Variants in FBXO44 observed in about 807,000 individuals in gnomAD.
FBXO44 encodes F-box protein 44.
In FBXO44, 25 loss-of-function variants were observed where a neutral mutation model predicts 33.5. The ratio of observed to expected loss-of-function variants is 0.75; its 90% CI spans 0.54 to 1.04. The LOEUF is 1.04. FBXO44 is among the 50% of genes least tolerant of loss of function. The pLI, the probability that FBXO44 is intolerant of heterozygous loss-of-function variation, is 0.00. For synonymous variants in FBXO44, 147 were observed against 152.8 expected, an observed-to-expected ratio of 0.96 and a Z score of 0.28; for missense variants, 311 against 344.0, an observed-to-expected ratio of 0.90 and a Z score of 0.76.
chr1:11,654,572 G>T (rs930968477), upstream of FBXO44: 6 of 381,012 alleles, frequency 1.6e-5, no homozygotes, highest in African/African-American at 1.0e-4. Context: ...GACCGAGGAG[G>T]CTGGGAAAGG....
At chr1:11,654,463 C>CCCCGA (rs1395194595), upstream of FBXO44, 1 of 1,042,200 alleles carries the variant, frequency 9.6e-7, no homozygotes, top group Non-Finnish European at 1.2e-6. Context: ...TCTTAAAGGC[C>CCCCGA]CCCGACCCGA....
In FBXO44 at chr1:11,656,142, C is replaced by G. The variant is rs115646867; in HGVS notation, c.265+42C>G. The G allele has an allele frequency of 1.9e-5, 30 of 1,600,906 alleles. No individual in the cohort carries two copies. The African/African-American group carries it at 4.0e-4, about 21-fold the overall frequency. On this transcript the variant is annotated intron_variant, in intron 2 of 5. Coordinates refer to ENST00000251547, the MANE Select transcript of FBXO44 (RefSeq NM_033182.7). The stretch of plus-strand genomic sequence containing the variant: ...GTCTGGCATGCCTCCAGTACACAGT[C>G]ATGACACCAGGAACATGTATTGAGC...
upstream of FBXO44, chr1:11,654,630 T>G (rs529000063): frequency 5.2e-4 from 168 of 321,812 alleles, 1 homozygote; most frequent in African/African-American, 3.4e-3. Flanking sequence ...ATTTGGGGCA[T>G]CTCGCAGCTC....
Position 11,661,375 on chromosome 1 carries a change from C to A in FBXO44, c.*102C>A. On this transcript the variant is annotated 3_prime_UTR_variant, in exon 6 of 6. Transcript: ENST00000251547. The surrounding 1 kb of genome is among the most constrained non-coding windows in gnomAD (Gnocchi z 4.4). ...GAGGTGGAGGCCAGGTGTCCCCAGA[C>A]CTCTAACCCTTGCCCCTAGCAGCCT... 1.3e-6 allele frequency: 2 copies of A among 1,526,718 alleles called. No homozygotes were observed. Among genetic ancestry groups the A allele is most frequent in the Non-Finnish European group, 1.8e-6 (2 of 1,121,432 alleles). The allele number at this position is 1,526,718 out of a possible 1,614,324, so 94.6% of individuals were successfully genotyped here. A position where few individuals can be genotyped will look rare whatever the true frequency, so the allele number is the denominator to read the frequency against.
rs374387099 is a variant in FBXO44, at chr1:11,658,796, C to A, written c.549C>A (p.Ser183=). 32 of 1,613,748 alleles carry A rather than the reference C, an allele frequency of 2.0e-5. No individual in the cohort carries two copies. Among genetic ancestry groups the A allele is most frequent in the Admixed American group, 1.7e-4 (10 of 60,008 alleles). The part of the protein sequence containing the change: ...KYQLCVQLLS[S]AHAPLGTFQP... Reference sequence around the variant, plus strand: ...AGCTGTGCGTTCAGCTCCTGTCGTCCGCGCACGCGCCTCTGGGGACCTTCC... The same window carrying A: ...AGCTGTGCGTTCAGCTCCTGTCGTCAGCGCACGCGCCTCTGGGGACCTTCC... The change falls in exon 5 of 6, where the codon TCC becomes TCA. Residue 183 remains serine (S), a synonymous_variant. Coordinates refer to ENST00000251547, the MANE Select transcript of FBXO44 (RefSeq NM_033182.7).
At chr1:11,654,612 G>A (rs1377204089), upstream of FBXO44, 3 of 347,864 alleles carry the variant, frequency 8.6e-6, no homozygotes, top group African/African-American at 2.1e-5. Flanking sequence ...CAACTGGGGA[G>A]GGGTCCGATT....
Position 11,656,311 on chromosome 1 carries a change from CTTTTTTTTTTT to C in FBXO44, c.265+223_265+233del, listed in dbSNP as rs34347559. On this transcript the variant is annotated intron_variant, in intron 2 of 5. Transcript: ENST00000251547. ...TGGTGTTTCTTATTCTTACTATACT[CTTTTTTTTTTT>C]TTTTTTTTTTTGAGACGGAGTTTCA... Among the ~76,000 whole-genome samples the C allele has an allele frequency of 6.2e-4, 58 of 93,870 alleles. 1 individual carries two copies. In the East Asian group the frequency reaches 0.012, roughly 20 times the overall value. The allele number at this position is 93,870 out of a possible 152,430, so 61.6% of individuals were successfully genotyped here.
chr1:11,655,102 T>G (rs1639683453), intron 1 of FBXO44, 150 bp downstream of exon 1: 1 of 151,016 alleles, frequency 6.6e-6, no homozygotes, highest in Admixed American at 6.6e-5. Flanking sequence ...TTGCCCGGGC[T>G]GCGCTGCGCG....
intron 1 of FBXO44, 125 bp from the exon 2 acceptor site, chr1:11,655,681 G>C (rs773491806): frequency 1.0e-6 from 1 of 985,854 alleles, no homozygotes; most frequent in Non-Finnish European, 1.5e-6. Context: ...TCCTTGGACC[G>C]CCCCAGTGAC....
At chr1:11,659,102 G>C (rs1219746219) in intron 5 of FBXO44, among the ~76,000 whole-genome samples, 1 of 152,222 alleles carries the variant, frequency 6.6e-6, no homozygotes, top group Non-Finnish European at 1.5e-5. Flanking sequence ...TATTCCAAAA[G>C]GTTGGCAGGG....
In FBXO44 at chr1:11,661,559, G is replaced by T; in HGVS notation, c.*286G>T. On this transcript the variant is annotated 3_prime_UTR_variant, in exon 6 of 6. Transcript: ENST00000251547. The surrounding 1 kb of genome is among the most constrained non-coding windows in gnomAD (Gnocchi z 4.4). ...TGTGGGAGGTGCAGCATGTTCCCCT[G>T]GGCCCCTCAGAAAGTCGAGCTTGGA... 1 of 428,482 alleles carries T rather than the reference G, an allele frequency of 2.3e-6. No homozygotes were observed. Among genetic ancestry groups the T allele is most frequent in the Non-Finnish European group, 4.2e-6 (1 of 240,854 alleles). The allele number at this position is 428,482 out of a possible 1,614,324, so 26.5% of individuals were successfully genotyped here. A position where few individuals can be genotyped will look rare whatever the true frequency, so the allele number is the denominator to read the frequency against.
chr1:11,661,227 C>A lies in FBXO44; in HGVS notation c.722C>A (p.Pro241Gln), dbSNP rs567768918. ...DTHYWAGWYGPRVTNSSITIG... is the reference protein window; with the variant it reads ...DTHYWAGWYGQRVTNSSITIG... ...CATTACTGGGCCGGCTGGTACGGCCCGAGGGTCACCAACAGCAGCATCACC... is the reference window on the plus strand; with the variant it reads ...CATTACTGGGCCGGCTGGTACGGCCAGAGGGTCACCAACAGCAGCATCACC... Residue 241 changes from proline (P) to glutamine (Q), a missense_variant, in exon 6 of 6, where the codon CCG (proline) becomes CAG (glutamine). Pro to Gln is a moderately conservative substitution (Grantham distance 76). Transcript: ENST00000251547. This position sits in a 1 kb window ranked among gnomAD's most constrained non-coding sequence, Gnocchi z 4.4. 5.6e-6 allele frequency: 9 copies of A among 1,614,132 alleles called. No individual in the cohort carries two copies. In the East Asian group the frequency reaches 2.0e-4, roughly 36 times the overall value.
chr1:11,659,851 C>T (rs1198575635), intron 5 of FBXO44, among the ~76,000 whole-genome samples: 2 of 152,226 alleles, frequency 1.3e-5, no homozygotes, highest in Admixed American at 6.5e-5. Context: ...TTGCAGGTCA[C>T]ATTGTCTCTG....
chr1:11,659,827 G>C (rs867926773), intron 5 of FBXO44, among the ~76,000 whole-genome samples: 2 of 152,130 alleles, frequency 1.3e-5, no homozygotes, highest in Non-Finnish European at 2.9e-5. Flanking sequence ...TGGCGGATAC[G>C]AATATTTTAG....
chr1:11,658,257 T>A lies in FBXO44; in HGVS notation c.266-10T>A. On this transcript the variant is annotated splice_polypyrimidine_tract_variant and intron_variant, in intron 2 of 5. Transcript: ENST00000251547. ...GCTTCCCTTCAGTGTGAACTCTGCT[T>A]TTCCATCAGAGGGGTTCGAGTTCTG... The A allele has an allele frequency of 6.2e-7, 1 of 1,613,528 alleles. No individual in the cohort carries two copies. The highest frequency in any genetic ancestry group is 1.3e-5 in the African/African-American group (1 of 74,994).
intron 2 of FBXO44, among the ~76,000 whole-genome samples, chr1:11,657,307 T>C (rs756259214): frequency 2.6e-5 from 4 of 152,236 alleles, no homozygotes; most frequent in Non-Finnish European, 4.4e-5. Flanking sequence ...CCAGCCCCTA[T>C]TCTTAACTCC....
rs775246428 is a variant in FBXO44, at chr1:11,655,906, G to A, written c.71G>A (p.Arg24His). Residue 24 changes from arginine to histidine, a missense_variant, in exon 2 of 6, where the codon CGC (arginine) becomes CAC (histidine). Physicochemically the swap from Arg to His is conservative, Grantham distance 29 (BLOSUM62 0). Transcript: ENST00000251547. ...LLELFTHVPA[R>H]QLLLNCRLVC... ...GAGCTGTTCACGCACGTGCCCGCCC[G>A]CCAGCTGCTGCTGAACTGCCGCCTG... 10 of 1,613,672 alleles carry A rather than the reference G, an allele frequency of 6.2e-6. No homozygotes were observed. Among genetic ancestry groups the A allele is most frequent in the East Asian group, 2.2e-5 (1 of 44,892 alleles).
chr1:11,657,280 T>C (rs567024033), intron 2 of FBXO44, among the ~76,000 whole-genome samples: 1 of 152,358 alleles, frequency 6.6e-6, no homozygotes, highest in East Asian at 1.9e-4. Flanking sequence ...ATTTTCGCAC[T>C]TTGCCAAAAA....
intron 2 of FBXO44, among the ~76,000 whole-genome samples, chr1:11,656,972 G>A (rs774722666): frequency 6.6e-6 from 1 of 152,096 alleles, no homozygotes; most frequent in African/African-American, 2.4e-5. Context: ...AGATCCAGTC[G>A]TCTTCTCAGT....
Sources: allele counts gnomAD v4.1 joint callset (sites outside exome capture counted in the v4.1 genomes callset), GRCh38; gene constraint gnomAD v4.1.1; non-coding constraint Gnocchi (gnomAD v3.1); transcripts MANE v1.5; gene names NCBI Gene and HGNC (gene_info 2026-07-23, HGNC 2026-07-21).